Variants in DLGAP1 observed in about 807,000 individuals in gnomAD.
The protein encoded by DLGAP1 is disks large-associated protein 1.
A neutral mutation model predicts 90.8 loss-of-function variants in DLGAP1; 11 were observed. The observed-to-expected ratio is 0.12, with a 90% confidence interval of 0.08 to 0.20. The LOEUF is 0.20. Among genes scored for constraint, DLGAP1 ranks in the 10% least tolerant of loss-of-function variants. DLGAP1 has a pLI of 1.00. For synonymous variants in DLGAP1, 558 were observed against 540.7 expected, an observed-to-expected ratio of 1.03 and a Z score of -0.44; for missense variants, 1,050 against 1,333.8, an observed-to-expected ratio of 0.79 and a Z score of 3.31.
Position 4,192,533 on chromosome 18 carries a change from C to T in DLGAP1, c.-266-41246G>A, listed in dbSNP as rs575673406. 5.0e-4 allele frequency among the ~76,000 whole-genome samples: 76 copies of T among 152,276 alleles called. 1 individual carries two copies. Among genetic ancestry groups the T allele is most frequent in the Admixed American group, 3.4e-3 (52 of 15,294 alleles). On this transcript the variant is annotated intron_variant, in intron 1 of 12. Transcript: ENST00000315677. The stretch of plus-strand genomic sequence containing the variant: ...CTTGAAGTTCCCCTCTACCCTGCTC[C>T]GAAAGGTATGCCGCCAAACACAATT...
In DLGAP1 at chr18:3,720,964, C is replaced by A. The variant is rs147291777; in HGVS notation, c.1591+8171G>T. On this transcript the variant is annotated intron_variant, in intron 7 of 12. Transcript: ENST00000315677. The stretch of plus-strand genomic sequence containing the variant: ...ACTGGGGGCTGAGTTGAGAGGATTA[C>A]TGGATTGCTCGAGCACAGGATGTTG... Among the ~76,000 whole-genome samples the A allele has an allele frequency of 2.2e-4, 33 of 147,720 alleles. No homozygotes were observed. The East Asian group carries it at 6.2e-3, about 28-fold the overall frequency.
intron 1 of DLGAP1, among the ~76,000 whole-genome samples, chr18:4,356,641 C>T (rs2081522544): frequency 6.6e-6 from 1 of 152,122 alleles, no homozygotes; most frequent in Non-Finnish European, 1.5e-5. Context: ...TATTCTTGCC[C>T]ACTATTATCT....
intron 11 of DLGAP1, 99 bp from the exon 12 acceptor site, chr18:3,502,744 G>C (rs1026146762): frequency 7.4e-7 from 1 of 1,357,102 alleles, no homozygotes; most frequent in Non-Finnish European, 1.0e-6. Flanking sequence ...ACATAAGGAG[G>C]ACTAGTTCCT....
At chr18:3,915,104 C>A (rs1212932676) in intron 3 of DLGAP1, among the ~76,000 whole-genome samples, 2 of 152,166 alleles carry the variant, frequency 1.3e-5, no homozygotes, top group Non-Finnish European at 2.9e-5. Flanking sequence ...TTGCATTTCC[C>A]TGATGACTAG....
chr18:3,962,192 A>G (rs1159636698), intron 3 of DLGAP1, among the ~76,000 whole-genome samples: 2 of 152,230 alleles, frequency 1.3e-5, no homozygotes, highest in African/African-American at 4.8e-5. Flanking sequence ...TAATATCTGC[A>G]GTCCTTCTTT....
chr18:4,108,685 A>G (rs182250234), intron 2 of DLGAP1, among the ~76,000 whole-genome samples: 17 of 152,230 alleles, frequency 1.1e-4, no homozygotes, highest in African/African-American at 3.9e-4. Context: ...GTGATATAAC[A>G]GCTAAATATT....
chr18:3,725,013 G>T (rs528889319), intron 7 of DLGAP1, among the ~76,000 whole-genome samples: 1 of 151,780 alleles, frequency 6.6e-6, no homozygotes, highest in East Asian at 1.9e-4. Context: ...TGTTATATTT[G>T]GCATTAAAAT....
At chr18:3,862,936 T>C (rs2070170333) in intron 4 of DLGAP1, among the ~76,000 whole-genome samples, 1 of 152,252 alleles carries the variant, frequency 6.6e-6, no homozygotes, top group African/African-American at 2.4e-5. Flanking sequence ...ACCAGGCAAT[T>C]TGGACACCTC....
At chr18:3,521,201 T>C (rs1432978904) in intron 10 of DLGAP1, among the ~76,000 whole-genome samples, 1 of 152,142 alleles carries the variant, frequency 6.6e-6, no homozygotes, top group African/African-American at 2.4e-5. Flanking sequence ...CCTTGTTGAT[T>C]ACAATTAGGG....
chr18:3,987,006 G>A (rs2073857033), intron 3 of DLGAP1, among the ~76,000 whole-genome samples: 1 of 152,094 alleles, frequency 6.6e-6, no homozygotes, highest in Admixed American at 6.6e-5. Flanking sequence ...ATTGGACACT[G>A]GTTTAATAAC....
chr18:4,288,680 T>G (rs1377407053), intron 1 of DLGAP1, among the ~76,000 whole-genome samples: 1 of 152,074 alleles, frequency 6.6e-6, no homozygotes, highest in African/African-American at 2.4e-5. Context: ...AGGGAGACAC[T>G]TGAATGTTTT....
chr18:4,001,783 G>A (rs957299727), intron 3 of DLGAP1, among the ~76,000 whole-genome samples: 1 of 152,110 alleles, frequency 6.6e-6, no homozygotes, highest in African/African-American at 2.4e-5. Context: ...AGGGTCCATG[G>A]GGCACAGGCT....
intron 9 of DLGAP1, among the ~76,000 whole-genome samples, chr18:3,552,936 A>G (rs1050080919): frequency 2.0e-5 from 3 of 150,494 alleles, no homozygotes; most frequent in Non-Finnish European, 4.4e-5. Flanking sequence ...TCACTTCCAT[A>G]TCTGCTTTCT....
Position 4,383,588 on chromosome 18 carries a change from A to C in DLGAP1, c.-267+71418T>G, listed in dbSNP as rs2082173738. ...ACAAAACCGAGTATCCTTGCTCATT[A>C]AAAAAAAAGGGATGTTTACCTATGA... On this transcript the variant is annotated intron_variant, in intron 1 of 12. Transcript: ENST00000315677. This position sits in a 1 kb window ranked among gnomAD's most constrained non-coding sequence, Gnocchi z 4.0. 6.7e-6 allele frequency among the ~76,000 whole-genome samples: 1 copy of C among 150,002 alleles called. No homozygotes were observed. Among genetic ancestry groups the C allele is most frequent in the African/African-American group, 2.4e-5 (1 of 40,942 alleles).
chr18:4,445,271 CCTCT>C (rs1408852988), intron 1 of DLGAP1, among the ~76,000 whole-genome samples: 2 of 150,542 alleles, frequency 1.3e-5, no homozygotes, highest in Non-Finnish European at 1.5e-5. Flanking sequence ...CACCCTATTC[CCTCT>C]CTAATAACTA....
intron 1 of DLGAP1, among the ~76,000 whole-genome samples, chr18:4,444,246 T>C (rs2083607262): frequency 6.6e-6 from 1 of 152,152 alleles, no homozygotes; most frequent in East Asian, 1.9e-4. Context: ...ATATCCCATC[T>C]CACCTTAAGA....
rs187066719 is a variant in DLGAP1, at chr18:4,203,896, G to A, written c.-266-52609C>T. Among the ~76,000 whole-genome samples, 25 of 152,334 alleles carry A rather than the reference G, an allele frequency of 1.6e-4. No homozygotes were observed. The East Asian group carries it at 4.8e-3, about 29-fold the overall frequency. The stretch of plus-strand genomic sequence containing the variant: ...GCAGCTTCCTACTCAGCCCGAGGAG[G>A]TCAGAAAGAACTCAGAAGAGGAGGC... On this transcript the variant is annotated intron_variant, in intron 1 of 12. Coordinates refer to ENST00000315677, the MANE Select transcript of DLGAP1 (RefSeq NM_004746.4).
intron 3 of DLGAP1, among the ~76,000 whole-genome samples, chr18:3,952,420 A>G (rs1230119118): frequency 4.6e-5 from 7 of 152,102 alleles, no homozygotes; most frequent in Non-Finnish European, 1.0e-4. Context: ...CACACTATTG[A>G]CCACTCCCCC....
At chr18:4,326,336 C>T (rs1032662369) in intron 1 of DLGAP1, among the ~76,000 whole-genome samples, 7 of 151,926 alleles carry the variant, frequency 4.6e-5, no homozygotes, top group African/African-American at 1.7e-4. Flanking sequence ...ATTAAAAAGA[C>T]AATAAAAGTA....
Sources: allele counts gnomAD v4.1 joint callset (sites outside exome capture counted in the v4.1 genomes callset), GRCh38; gene constraint gnomAD v4.1.1; non-coding constraint Gnocchi (gnomAD v3.1); transcripts MANE v1.5; gene names NCBI Gene and HGNC (gene_info 2026-07-23, HGNC 2026-07-21).